TANC2: variants seen among roughly 807,000 people sequenced by gnomAD.
TANC2 encodes the protein protein TANC2.
TANC2 carries 26 observed loss-of-function variants against 210.5 expected under a neutral mutation model. The ratio of observed to expected loss-of-function variants is 0.12; its 90% CI spans 0.09 to 0.17. The LOEUF (loss-of-function observed/expected upper bound fraction) is 0.17, where lower values mean the gene tolerates loss of function less well. Among genes scored for constraint, TANC2 ranks in the 10% least tolerant of loss-of-function variants. The pLI is 1.00. For synonymous variants in TANC2, 931 were observed against 967.1 expected (o/e 0.96, Z 0.69); for missense variants, 2,129 against 2,608.9 (o/e 0.82, Z 4.01).
chr17:63,081,919 C>A (rs2144722735), intron 3 of TANC2, among the ~76,000 whole-genome samples: 1 of 152,184 alleles, frequency 6.6e-6, no homozygotes, highest in Admixed American at 6.5e-5. Context: ...AATCCCAGCA[C>A]TTTGGGAGGC....
At chr17:63,211,074 C>T (rs2041871134) in intron 7 of TANC2, among the ~76,000 whole-genome samples, 1 of 152,130 alleles carries the variant, frequency 6.6e-6, no homozygotes, top group African/African-American at 2.4e-5. Flanking sequence ...CTCATTATCT[C>T]AGACTTAGAT....
At chr17:63,345,650 C>T (rs2046383871) in intron 12 of TANC2, among the ~76,000 whole-genome samples, 1 of 150,380 alleles carries the variant, frequency 6.6e-6, no homozygotes, top group African/African-American at 2.5e-5. Flanking sequence ...CACATAATCC[C>T]AGCAGAATTT....
chr17:63,026,067 A>G (rs1285378180), intron 2 of TANC2, among the ~76,000 whole-genome samples: 4 of 151,524 alleles, frequency 2.6e-5, no homozygotes, highest in African/African-American at 7.3e-5. Flanking sequence ...CCCTTACTTC[A>G]TTGATATTTC....
chr17:63,123,285 C>T (rs1443294389), intron 4 of TANC2, among the ~76,000 whole-genome samples: 9 of 151,978 alleles, frequency 5.9e-5, no homozygotes, highest in African/African-American at 1.2e-4. Flanking sequence ...GGGCCAGGCG[C>T]GGTGGCTCAC....
rs190577179 is a variant in TANC2 at position 63,336,047 on chromosome 17, C to T, written c.1576-4054C>T. On this transcript the variant is annotated intron_variant, in intron 11 of 27. Transcript: ENST00000689528. ...CTGGGATCTATTCTTAGCATCTAGT[C>T]CCAGCATGAGGATTAGAATCAGAAT... 3.3e-5 allele frequency among the ~76,000 whole-genome samples: 5 copies of T among 151,824 alleles called. No individual in the cohort carries two copies. In the East Asian group the frequency reaches 9.7e-4, roughly 29 times the overall value.
intron 13 of TANC2, 89 bp from the exon 14 acceptor site, chr17:63,354,694 A>T (rs1335148785): frequency 2.0e-6 from 3 of 1,484,710 alleles, no homozygotes; most frequent in Non-Finnish European, 2.7e-6. Context: ...TTCGAAGTTC[A>T]GAATACATTT....
At chr17:63,058,596 G>A (rs2035887967) in intron 2 of TANC2, among the ~76,000 whole-genome samples, 1 of 152,052 alleles carries the variant, frequency 6.6e-6, no homozygotes, top group African/African-American at 2.4e-5. Flanking sequence ...ATTGATTTTT[G>A]TATATGGTGT....
intron 4 of TANC2, among the ~76,000 whole-genome samples, chr17:63,134,456 G>T (rs1440603501): frequency 6.6e-6 from 1 of 152,144 alleles, no homozygotes; most frequent in African/African-American, 2.4e-5. Flanking sequence ...TTAGCTTAAA[G>T]ATGTATACAG....
chr17:63,292,136 C>G (rs1392939401), intron 9 of TANC2, among the ~76,000 whole-genome samples: 1 of 152,096 alleles, frequency 6.6e-6, no homozygotes, highest in African/African-American at 2.4e-5. Context: ...AAATGCTGTA[C>G]AGGAATGAGG....
At chr17:63,092,685 T>G (rs1358330658) in intron 3 of TANC2, among the ~76,000 whole-genome samples, 1 of 151,304 alleles carries the variant, frequency 6.6e-6, no homozygotes, top group Non-Finnish European at 1.5e-5. Context: ...GAGCAAGGGG[T>G]GGAGGGAGGT....
At chr17:63,234,799 A>G (rs563036667) in intron 7 of TANC2, among the ~76,000 whole-genome samples, 2 of 152,282 alleles carry the variant, frequency 1.3e-5, no homozygotes, top group East Asian at 3.9e-4. Flanking sequence ...TGCCTGTGAG[A>G]CTACTTGTTA....
intron 7 of TANC2, among the ~76,000 whole-genome samples, chr17:63,221,277 TA>T (rs796127784): frequency 6.6e-6 from 1 of 150,874 alleles, no homozygotes; most frequent in South Asian, 2.1e-4. Context: ...CTAAAAAAAA[TA>T]AAAAAATTAG....
intron 5 of TANC2, among the ~76,000 whole-genome samples, chr17:63,168,024 T>C (rs1407027317): frequency 1.3e-5 from 2 of 152,000 alleles, no homozygotes; most frequent in African/African-American, 2.4e-5. Flanking sequence ...CTAGAGAAAT[T>C]CCCTAAAAAT....
chr17:63,312,885 A>AATTTGGCTTTAT lies in TANC2; in HGVS notation c.1160-1498_1160-1487dup, dbSNP rs2045177169. 2.6e-5 allele frequency among the ~76,000 whole-genome samples: 4 copies of AATTTGGCTTTAT among 152,262 alleles called. No homozygotes were observed. In the South Asian group the frequency reaches 8.3e-4, roughly 32 times the overall value. On this transcript the variant is annotated intron_variant, in intron 9 of 27. Coordinates refer to ENST00000689528, the Ensembl canonical transcript of TANC2. Reference sequence around the variant, plus strand: ...TTGGGCATTTTGTTTCTGTTGTCAGAATTTGGCTTTATATTTTAAATTATT... The same window carrying AATTTGGCTTTAT: ...TTGGGCATTTTGTTTCTGTTGTCAGAATTTGGCTTTATATTTGGCTTTATATTTTAAATTATT...
chr17:63,310,931 A>C (rs2045104664), intron 9 of TANC2, among the ~76,000 whole-genome samples: 1 of 152,170 alleles, frequency 6.6e-6, no homozygotes, highest in African/African-American at 2.4e-5. Flanking sequence ...GTTTCAAGAA[A>C]AATAAGGCAG....
chr17:63,325,875 T>G (rs1445007383), intron 11 of TANC2, among the ~76,000 whole-genome samples: 1 of 152,226 alleles, frequency 6.6e-6, no homozygotes, highest in Non-Finnish European at 1.5e-5. Context: ...AACTGTAGAT[T>G]GAATGTACTT....
intron 8 of TANC2, among the ~76,000 whole-genome samples, chr17:63,266,999 A>G (rs2043550352): frequency 6.6e-6 from 1 of 151,878 alleles, no homozygotes; most frequent in African/African-American, 2.4e-5. Flanking sequence ...ACAGGCGCAC[A>G]CCACCACGCC....
Position 63,013,754 on chromosome 17 carries a change from C to CTCA in TANC2, c.67+4128_67+4129insTCA, listed in dbSNP as rs1256222994. ...TCTAGCCTGGGCGACAGAGTGAGAC[C>CTCA]CTGTCTTTAAAAAAAAAAAAAAAAA... On this transcript the variant is annotated intron_variant, in intron 2 of 27. Coordinates refer to ENST00000689528, the Ensembl canonical transcript of TANC2. 7.2e-5 allele frequency among the ~76,000 whole-genome samples: 9 copies of CTCA among 125,512 alleles called. No homozygotes were observed. In the Admixed American group the frequency reaches 7.6e-4, roughly 11 times the overall value. The allele number at this position is 125,512 out of a possible 152,430, so 82.3% of individuals were successfully genotyped here.
intron 17 of TANC2, chr17:63,389,780 A>G (rs2047904967): frequency 7.7e-6 from 4 of 522,228 alleles, no homozygotes; most frequent in Non-Finnish European, 1.4e-5. Flanking sequence ...TTTATCCGTA[A>G]CCACAAAAAG....
Sources: gnomAD v4.1 joint callset for allele counts (sites outside exome capture counted in the v4.1 genomes callset) on GRCh38, gnomAD v4.1.1 for gene constraint, MANE v1.5 for transcripts, NCBI Gene and HGNC (gene_info 2026-07-23, HGNC 2026-07-21) for gene names.